The following CEP85 variants were observed in gnomAD, a reference collection of about 807,000 sequenced individuals.
The protein encoded by CEP85 is centrosomal protein 85.
A neutral mutation model predicts 93.7 loss-of-function variants in CEP85; 58 were observed. The observed-to-expected ratio is 0.62, with a 90% CI of 0.50 to 0.77. The LOEUF is 0.77. Ranked by LOEUF, CEP85 falls within the 30% of genes least tolerant of loss-of-function variation. The pLI is 0.00. For missense variants in CEP85, 868 were observed against 922.0 expected (o/e 0.94, Z 0.76); for synonymous variants, 314 against 338.6 (o/e 0.93, Z 0.80).
At chr1:26,244,612 C>T (rs1405065486) in intron 3 of CEP85, among the ~76,000 whole-genome samples, 1 of 151,976 alleles carries the variant, frequency 6.6e-6, no homozygotes, top group Non-Finnish European at 1.5e-5. Context: ...CTGCAGCCTC[C>T]CATGCTGAGG....
At chr1:26,250,848 G>A (rs1432260133) in intron 3 of CEP85, among the ~76,000 whole-genome samples, 1 of 151,348 alleles carries the variant, frequency 6.6e-6, no homozygotes, top group East Asian at 1.9e-4. Flanking sequence ...AGCATCTGGC[G>A]AAGGCTTTTG....
At chr1:26,243,991 CAAAA>C (rs58751883) in intron 2 of CEP85, among the ~76,000 whole-genome samples, 171 bp from the exon 3 acceptor site, 5 of 108,348 alleles carry the variant, frequency 4.6e-5, no homozygotes, top group Non-Finnish European at 8.7e-5. Context: ...GACTCCGTCT[CAAAA>C]AAAAAAAAAA....
intron 3 of CEP85, among the ~76,000 whole-genome samples, chr1:26,248,722 C>CCTTTT: frequency 1.8e-5 from 1 of 56,194 alleles, no homozygotes; most frequent in South Asian, 8.2e-4. Context: ...GTCTTGAACT[C>CCTTTT]TTTTTTTTTT....
At chr1:26,270,291 C>T (rs1252918697) in intron 9 of CEP85, among the ~76,000 whole-genome samples, 1 of 152,198 alleles carries the variant, frequency 6.6e-6, no homozygotes, top group Non-Finnish European at 1.5e-5. Flanking sequence ...ACAGTTCGAG[C>T]TGTGTAGGCT....
chr1:26,258,085 G>T (rs2089736026), intron 5 of CEP85, 58 bp from the exon 6 acceptor site: 6 of 1,124,950 alleles, frequency 5.3e-6, no homozygotes, highest in Non-Finnish European at 8.1e-6. Flanking sequence ...CTTAGTAGGG[G>T]CTCATATTGT....
At chr1:26,249,174 C>T (rs546085911) in intron 3 of CEP85, among the ~76,000 whole-genome samples, 48 of 152,296 alleles carry the variant, frequency 3.2e-4, no homozygotes, top group Middle Eastern at 3.4e-3. Flanking sequence ...CTCCGCCTCC[C>T]GGGTTCAAGC....
chr1:26,237,359 T>G (rs11808575), intron 1 of CEP85, among the ~76,000 whole-genome samples: 27,105 of 152,100 alleles, frequency 0.18, 3,111 homozygotes, highest in African/African-American at 0.32. Context: ...AGCAGTCCCT[T>G]CCTATTCTCC....
At chr1:26,269,018 C>T (rs2089933383) in intron 8 of CEP85, among the ~76,000 whole-genome samples, 1 of 152,204 alleles carries the variant, frequency 6.6e-6, no homozygotes, top group Non-Finnish European at 1.5e-5. Context: ...CCTACTCCGT[C>T]CTGACTCATC....
intron 6 of CEP85, 92 bp from the exon 7 acceptor site, chr1:26,259,525 T>G: frequency 8.3e-7 from 1 of 1,202,378 alleles, no homozygotes; most frequent in Non-Finnish European, 1.2e-6. Context: ...TGGAGAAAAA[T>G]GATATTTGAC....
chr1:26,278,753 AT>A lies in CEP85; in HGVS notation c.*1461del, dbSNP rs1370442492. 2 of 152,536 alleles carry A rather than the reference AT, an allele frequency of 1.3e-5. No homozygotes were observed. Among genetic ancestry groups the A allele is most frequent in the Non-Finnish European group, 2.9e-5 (2 of 68,026 alleles). The allele number at this position is 152,536 out of a possible 1,614,324, so 9.4% of individuals were successfully genotyped here. ...CCAGTTATTTATATGAATCTTTGTT[AT>A]GTCCATTTGTTTGTATTGCGTATTT... On this transcript the variant is annotated 3_prime_UTR_variant, in exon 14 of 14. Coordinates refer to ENST00000451429, the MANE Select transcript of CEP85 (RefSeq NM_001319944.2).
chr1:26,266,475 T>C (rs2089897092), intron 7 of CEP85, among the ~76,000 whole-genome samples: 1 of 152,260 alleles, frequency 6.6e-6, no homozygotes, highest in South Asian at 2.1e-4. Flanking sequence ...ATTTTAAAGA[T>C]GTTTTTGGAA....
intron 7 of CEP85, among the ~76,000 whole-genome samples, chr1:26,265,057 C>T (rs958064801): frequency 1.4e-5 from 2 of 147,728 alleles, no homozygotes; most frequent in East Asian, 4.0e-4. Flanking sequence ...TGATCTTGGC[C>T]ACTGCAGCCT....
chr1:26,244,039 A>T, intron 2 of CEP85, 127 bp from the exon 3 acceptor site: 3 of 690,520 alleles, frequency 4.3e-6, no homozygotes, highest in Non-Finnish European at 6.7e-6. Flanking sequence ...CAGCTGAAAT[A>T]GGCACAGGAG....
In CEP85 at chr1:26,255,619, C is replaced by T. The variant is rs561246833; in HGVS notation, c.657C>T (p.Tyr219=). The T allele has an allele frequency of 6.2e-7, 1 of 1,614,096 alleles. No homozygotes were observed. Among genetic ancestry groups the T allele is most frequent in the South Asian group, 1.1e-5 (1 of 91,060 alleles). Residue 219 remains tyrosine, a synonymous_variant, in exon 4 of 14, where the codon TAC becomes TAT. Coordinates refer to ENST00000451429, the MANE Select transcript of CEP85 (RefSeq NM_001319944.2). ...NPRTSTSKEL[Y]RVLPEAKKAP... is the part of the protein sequence containing the mutation. ...GAACCAGCACAAGTAAGGAGTTGTA[C>T]AGAGTGTTGCCTGAGGCCAAGAAGG... is the stretch of plus-strand genomic sequence containing the variant.
intron 10 of CEP85, chr1:26,271,690 C>G (rs1247243669): frequency 6.5e-6 from 2 of 308,694 alleles, no homozygotes; most frequent in Non-Finnish European, 1.2e-5. Context: ...TGTCCTTGTA[C>G]CAAAGAACAA....
intron 2 of CEP85, among the ~76,000 whole-genome samples, chr1:26,243,931 A>C (rs1255782498): frequency 7.2e-6 from 1 of 139,048 alleles, no homozygotes; most frequent in African/African-American, 2.8e-5. Context: ...CAGGAGGTGG[A>C]GGCTGCAGTG....
intron 2 of CEP85, among the ~76,000 whole-genome samples, chr1:26,243,626 G>T (rs1241467091): frequency 3.3e-5 from 5 of 152,094 alleles, no homozygotes; most frequent in Non-Finnish European, 7.4e-5. Context: ...ATTGTTTTCT[G>T]TTCCAGTACT....
chr1:26,249,561 G>A (rs1245768391), intron 3 of CEP85, among the ~76,000 whole-genome samples: 2 of 152,216 alleles, frequency 1.3e-5, no homozygotes, highest in African/African-American at 4.8e-5. Flanking sequence ...GAGGGACAGA[G>A]TAGAGGTGGG....
At chr1:26,234,698 G>T (rs765800094) in intron 1 of CEP85, among the ~76,000 whole-genome samples, 3 of 152,236 alleles carry the variant, frequency 2.0e-5, no homozygotes, top group Admixed American at 6.5e-5. Context: ...CTTACAAAGA[G>T]CGCAAAACAG....
Sources: gnomAD v4.1 joint callset for allele counts (sites outside exome capture counted in the v4.1 genomes callset) on GRCh38, gnomAD v4.1.1 for gene constraint, MANE v1.5 for transcripts, NCBI Gene and HGNC (gene_info 2026-07-23, HGNC 2026-07-21) for gene names.